Variants in BZW1 observed in about 807,000 individuals in gnomAD.
BZW1 encodes the protein basic leucine zipper and W2 domains 1, also known as eIF5-mimic protein 2.
A neutral mutation model predicts 54.1 loss-of-function variants in BZW1; 3 were observed. The observed-to-expected ratio is 0.06, with a 90% confidence interval of 0.03 to 0.14. BZW1 has a LOEUF of 0.14. Among genes scored for constraint, BZW1 ranks in the 10% least tolerant of loss-of-function variants. The pLI, the probability that BZW1 is intolerant of heterozygous loss-of-function variation, is 1.00. For missense variants in BZW1, 206 were observed against 491.7 expected, an observed-to-expected ratio of 0.42 and a Z score of 5.50; for synonymous variants, 152 against 162.7, an observed-to-expected ratio of 0.93 and a Z score of 0.50.
chr2:200,820,404 G>A (rs2038465647), intron 10 of BZW1, among the ~76,000 whole-genome samples: 1 of 152,204 alleles, frequency 6.6e-6, no homozygotes, highest in African/African-American at 2.4e-5. Flanking sequence ...GTTCAGCTAG[G>A]TGTGGTGGCT....
chr2:200,818,155 C>T, intron 7 of BZW1, 68 bp from the exon 8 acceptor site: 1 of 1,509,682 alleles, frequency 6.6e-7, no homozygotes, highest in East Asian at 2.5e-5. Flanking sequence ...ATTTTTAAGA[C>T]TGTGAAAAGA....
In BZW1 at chr2:200,824,968, A is replaced by G. The variant is rs1011483511; in HGVS notation, c.*2790A>G. ...ATTATGGGCTTGAGCCACCGCGCCC[A>G]GCTAGACTTTTTTCTAATAGAGTCC... On this transcript the variant is annotated 3_prime_UTR_variant, in exon 12 of 12. Transcript: ENST00000409600. 1 of 152,122 alleles carries G rather than the reference A, an allele frequency of 6.6e-6. No individual in the cohort carries two copies. The highest frequency in any genetic ancestry group is 6.6e-5 in the Admixed American group (1 of 15,266). The allele number at this position is 152,122 out of a possible 1,614,324, so 9.4% of individuals were successfully genotyped here.
Position 200,826,407 on chromosome 2 carries a change from A to AGATAGATAGATAGATAGATAGATT in BZW1, c.*4229_*4230insGATAGATAGATAGATAGATAGATT, listed in dbSNP as rs1559318394. 1.8e-5 allele frequency: 1 copy of AGATAGATAGATAGATAGATAGATT among 54,946 alleles called. No homozygotes were observed. Among genetic ancestry groups the AGATAGATAGATAGATAGATAGATT allele is most frequent in the Non-Finnish European group, 3.3e-5 (1 of 30,420 alleles). 3.4% of individuals were successfully genotyped at this position (54,946 alleles called of 1,614,324 possible). A position where few individuals can be genotyped will look rare whatever the true frequency, so the allele number is the denominator to read the frequency against. On this transcript the variant is annotated 3_prime_UTR_variant, in exon 12 of 12. Transcript: ENST00000409600. ...TAGATAGATAGATAGATAGATAGATATTTTTTTTTTTTTTTTTTTTTTTTT... is the reference window on the plus strand; with the variant it reads ...TAGATAGATAGATAGATAGATAGATAGATAGATAGATAGATAGATAGATTTTTTTTTTTTTTTTTTTTTTTTTTT...
intron 9 of BZW1, among the ~76,000 whole-genome samples, chr2:200,819,647 A>C (rs2038434125): frequency 1.3e-5 from 2 of 148,652 alleles, no homozygotes; most frequent in Non-Finnish European, 1.5e-5. Flanking sequence ...TGCAGCCTCC[A>C]TCTCCTGGGT....
At chr2:200,820,817 G>A (rs913488452) in intron 10 of BZW1, among the ~76,000 whole-genome samples, 8 of 152,118 alleles carry the variant, frequency 5.3e-5, no homozygotes, top group East Asian at 1.9e-4. Context: ...TTGACTTTCC[G>A]TAGTCCTTCA....
intron 1 of BZW1, chr2:200,812,511 C>G: frequency 7.2e-7 from 1 of 1,381,830 alleles, no homozygotes; most frequent in Middle Eastern, 2.4e-4. Flanking sequence ...GAGAAAGAGC[C>G]GCGGGACCCT....
chr2:200,815,794 G>C, intron 4 of BZW1, 33 bp downstream of exon 4: 1 of 1,483,244 alleles, frequency 6.7e-7, no homozygotes, highest in South Asian at 1.3e-5. Flanking sequence ...GTTTTCAGTT[G>C]GCTACTATCC....
rs1436320565 is a variant in BZW1, at chr2:200,825,941, A to G, written c.*3763A>G. ...GATAAGTATTTGCAAATTCTGGTAA[A>G]TTGCCTTGCTATGATTTTTCATGCT... On this transcript the variant is annotated 3_prime_UTR_variant, in exon 12 of 12. Transcript: ENST00000409600. The G allele has an allele frequency of 1.3e-5, 2 of 152,226 alleles. No individual in the cohort carries two copies. The highest frequency in any genetic ancestry group is 4.8e-5 in the African/African-American group (2 of 41,454). The allele number at this position is 152,226 out of a possible 1,614,324, so 9.4% of individuals were successfully genotyped here.
chr2:200,819,134 G>A (rs1452206091), intron 9 of BZW1: 1 of 476,846 alleles, frequency 2.1e-6, no homozygotes. Flanking sequence ...GCTCACGCCT[G>A]TAAACCCAGC....
intron 6 of BZW1, 35 bp from the exon 7 acceptor site, chr2:200,817,939 G>A (rs775085728): frequency 7.1e-7 from 1 of 1,414,130 alleles, no homozygotes; most frequent in Middle Eastern, 2.4e-4. Flanking sequence ...AACCAGGGAA[G>A]GTACTTCTGT....
At chr2:200,812,862 C>T (rs769403502) in intron 1 of BZW1, 9 of 653,790 alleles carry the variant, frequency 1.4e-5, no homozygotes, top group Non-Finnish European at 2.3e-5. Flanking sequence ...TTGCGTTCTG[C>T]GATGCTTAGT....
At chr2:200,816,304 T>C in intron 4 of BZW1, 21 bp from the exon 5 acceptor site, 2 of 1,534,070 alleles carry the variant, frequency 1.3e-6, no homozygotes, top group Non-Finnish European at 1.8e-6. Context: ...AGTTACTGAA[T>C]TCATTTAATG....
rs1308050672 is a variant in BZW1, at chr2:200,823,662, T to A, written c.*1484T>A. 1 of 152,462 alleles carries A rather than the reference T, an allele frequency of 6.6e-6. No individual in the cohort carries two copies. The allele number at this position is 152,462 out of a possible 1,614,324, so 9.4% of individuals were successfully genotyped here. On this transcript the variant is annotated 3_prime_UTR_variant, in exon 12 of 12. Transcript: ENST00000409600. ...GGTATAGTAACCTTAAAAAGAACAT[T>A]ATAACTGATTGTTGTGAATGGGGTG...
intron 9 of BZW1, 70 bp downstream of exon 9, chr2:200,818,971 AT>A: frequency 2.0e-6 from 3 of 1,482,686 alleles, no homozygotes; most frequent in Non-Finnish European, 2.7e-6. Flanking sequence ...CTGTGACTAT[AT>A]TTTTCTAAGA....
chr2:200,818,462 A>T, intron 8 of BZW1, 69 bp downstream of exon 8: 2 of 1,508,590 alleles, frequency 1.3e-6, no homozygotes, highest in South Asian at 1.2e-5. Context: ...TAATTTGAGG[A>T]ACTTACTTCA....
intron 1 of BZW1, chr2:200,812,392 G>T (rs1442115977): frequency 4.1e-5 from 53 of 1,285,574 alleles, no homozygotes; most frequent in Non-Finnish European, 5.1e-5. Flanking sequence ...CGCTGCTTTC[G>T]CTGGAGGGCG....
rs1409453419 is a variant in BZW1 at position 200,826,145 on chromosome 2, A to C, written c.*3967A>C. On this transcript the variant is annotated 3_prime_UTR_variant, in exon 12 of 12. Coordinates refer to ENST00000409600, the MANE Select transcript of BZW1 (RefSeq NM_001207067.2). ...GAGTTTATAATTGGCTTTTGTCCAA[A>C]AACTCTTAAGTGGATTAATATCTGA... The C allele has an allele frequency of 2.6e-5, 4 of 152,172 alleles. No individual in the cohort carries two copies. 9.4% of individuals were successfully genotyped at this position (152,172 alleles called of 1,614,324 possible).
chr2:200,813,140 G>A (rs1294860666), intron 1 of BZW1, 68 bp from the exon 2 acceptor site: 2 of 1,338,194 alleles, frequency 1.5e-6, no homozygotes, highest in East Asian at 2.3e-5. Flanking sequence ...CTAGACTAAG[G>A]TTTGATGTTT....
chr2:200,819,882 A>G, intron 9 of BZW1, 100 bp from the exon 10 acceptor site: 3 of 1,108,648 alleles, frequency 2.7e-6, no homozygotes, highest in Non-Finnish European at 3.6e-6. Context: ...CAGTGATTAT[A>G]AAAGATGAGT....
Sources: gnomAD v4.1 joint callset for allele counts (sites outside exome capture counted in the v4.1 genomes callset) on GRCh38, gnomAD v4.1.1 for gene constraint, MANE v1.5 for transcripts, NCBI Gene and HGNC (gene_info 2026-07-23, HGNC 2026-07-21) for gene names.